RPS6KA2: variants seen among roughly 807,000 people sequenced by gnomAD.
The protein encoded by RPS6KA2 is ribosomal protein S6 kinase alpha-2.
A neutral mutation model predicts 91.8 loss-of-function variants in RPS6KA2; 42 were observed. That is an observed-to-expected ratio of 0.46 (90% confidence interval 0.36 to 0.59). The LOEUF (loss-of-function observed/expected upper bound fraction) is 0.59, where lower values mean the gene tolerates loss of function less well. RPS6KA2 is among the 20% of genes least tolerant of loss of function. The pLI is 0.00. For synonymous variants in RPS6KA2, 414 were observed against 393.6 expected, an observed-to-expected ratio of 1.05 and a Z score of -0.61; for missense variants, 798 against 978.5, an observed-to-expected ratio of 0.82 and a Z score of 2.46.
In RPS6KA2 at chr6:166,796,528, G is replaced by A. The variant is rs573069747; in HGVS notation, c.123+61672C>T. ...GGCTTGAACCTGGGAGGTGGAGGTT[G>A]CAGTGAGCAGCGATGGTGCCACTGC... On this transcript the variant is annotated intron_variant, in intron 2 of 21. Coordinates refer to the RPS6KA2 transcript ENST00000503859. 4.0e-5 allele frequency among the ~76,000 whole-genome samples: 6 copies of A among 151,754 alleles called. No homozygotes were observed. The East Asian group carries it at 1.2e-3, about 30-fold the overall frequency.
At chr6:166,807,654 G>T (rs1476574906) in intron 2 of RPS6KA2, among the ~76,000 whole-genome samples, 1 of 151,932 alleles carries the variant, frequency 6.6e-6, no homozygotes. Context: ...CTCCCCTGCT[G>T]TTCTCCCCCA....
At chr6:166,842,046 G>T (rs1328298921) in intron 2 of RPS6KA2, among the ~76,000 whole-genome samples, 3 of 152,092 alleles carry the variant, frequency 2.0e-5, no homozygotes, top group African/African-American at 7.2e-5. Flanking sequence ...ACCTCCAGCG[G>T]TAGTAGAAGC....
chr6:166,619,333 G>C (rs1175527945), intron 1 of RPS6KA2, among the ~76,000 whole-genome samples: 1 of 152,250 alleles, frequency 6.6e-6, no homozygotes, highest in Admixed American at 6.5e-5. Context: ...AAGAATTCAA[G>C]AAGTCAAAGG....
chr6:166,813,036 CT>C (rs1779678208), intron 2 of RPS6KA2, among the ~76,000 whole-genome samples: 1 of 152,156 alleles, frequency 6.6e-6, no homozygotes. Context: ...ACTCACGCAC[CT>C]CCATGTCTCT....
At chr6:166,499,996 T>C (rs1264024871) in intron 7 of RPS6KA2, among the ~76,000 whole-genome samples, 2 of 152,194 alleles carry the variant, frequency 1.3e-5, no homozygotes, top group African/African-American at 2.4e-5. Flanking sequence ...CCCAACACCA[T>C]TGCAAGGGTC....
At chr6:166,618,608 G>C (rs1209471009) in intron 1 of RPS6KA2, among the ~76,000 whole-genome samples, 1 of 152,220 alleles carries the variant, frequency 6.6e-6, no homozygotes, top group African/African-American at 2.4e-5. Context: ...TGGCTGAGTG[G>C]GAGGTGGAGA....
Position 166,508,374 on chromosome 6 carries a change from A to T in RPS6KA2, c.380-92T>A. On this transcript the variant is annotated intron_variant, in intron 4 of 20. Transcript: ENST00000265678. This position sits in a 1 kb window ranked among gnomAD's most constrained non-coding sequence, Gnocchi z 4.3. ...CTTCTCCCTGCTCACGGTGCTGCTTACTCCGGGAGGCTGAGTCACTTGAGA... is the reference window on the plus strand; with the variant it reads ...CTTCTCCCTGCTCACGGTGCTGCTTTCTCCGGGAGGCTGAGTCACTTGAGA... The T allele has an allele frequency of 1.2e-6, 1 of 828,980 alleles. No individual in the cohort carries two copies. Among genetic ancestry groups the T allele is most frequent in the South Asian group, 1.6e-5 (1 of 64,412 alleles). 51.4% of individuals were successfully genotyped at this position (828,980 alleles called of 1,614,324 possible). A position where few individuals can be genotyped will look rare whatever the true frequency, so the allele number is the denominator to read the frequency against.
rs74368994 is a variant in RPS6KA2 at position 166,495,887 on chromosome 6, G to A, written c.747+2621C>T. Reference sequence around the variant, plus strand: ...TTCTGTCTTAGGGCTGATGGTGGAAGGGGACCGGGGGGAGTTTGCTGGAGC... The same window carrying A: ...TTCTGTCTTAGGGCTGATGGTGGAAAGGGACCGGGGGGAGTTTGCTGGAGC... On this transcript the variant is annotated intron_variant, in intron 8 of 20. Transcript: ENST00000265678. This position sits in a 1 kb window ranked among gnomAD's most constrained non-coding sequence, Gnocchi z 4.4. Among the ~76,000 whole-genome samples the A allele has an allele frequency of 4.6e-3, 702 of 152,344 alleles. 7 individuals are homozygous for A. Among genetic ancestry groups the A allele is most frequent in the African/African-American group, 0.016 (681 of 41,560 alleles).
At chr6:166,679,812 GGGTTCCA>G (rs1466670305) in intron 2 of RPS6KA2, among the ~76,000 whole-genome samples, 1 of 152,236 alleles carries the variant, frequency 6.6e-6, no homozygotes, top group Non-Finnish European at 1.5e-5. Context: ...TGGCTGGCGC[GGGTTCCA>G]GGTGAGCGCG....
upstream of RPS6KA2, among the ~76,000 whole-genome samples, chr6:166,629,736 G>A (rs1166123292): frequency 2.0e-5 from 3 of 152,188 alleles, no homozygotes; most frequent in Non-Finnish European, 4.4e-5. Flanking sequence ...TAAAGAGCTT[G>A]GTAGACCTCT....
At chr6:166,741,057 G>A (rs774150187) in intron 2 of RPS6KA2, among the ~76,000 whole-genome samples, 1 of 152,264 alleles carries the variant, frequency 6.6e-6, no homozygotes, top group Non-Finnish European at 1.5e-5. Flanking sequence ...AGGAGGTAAT[G>A]CAGGCGCTCA....
intron 8 of RPS6KA2, among the ~76,000 whole-genome samples, chr6:166,496,189 A>G (rs1781779183): frequency 6.6e-6 from 1 of 151,182 alleles, no homozygotes; most frequent in African/African-American, 2.5e-5. Flanking sequence ...TGTCTCTACT[A>G]AAATGCAAAA....
chr6:166,591,646 A>G (rs1242026845), intron 1 of RPS6KA2, among the ~76,000 whole-genome samples: 1 of 152,170 alleles, frequency 6.6e-6, no homozygotes, highest in Admixed American at 6.5e-5. Flanking sequence ...GGGGCAAGGA[A>G]GGATCCTCCC....
chr6:166,413,773 C>CT, intron 20 of RPS6KA2, 21 bp downstream of exon 20: 2 of 1,610,690 alleles, frequency 1.2e-6, no homozygotes. Flanking sequence ...CCACTCTGTC[C>CT]TCACTGTCGC....
chr6:166,856,050 CACG>C (rs1013392613), intron 2 of RPS6KA2, among the ~76,000 whole-genome samples: 1 of 152,168 alleles, frequency 6.6e-6, no homozygotes, highest in African/African-American at 2.4e-5. Flanking sequence ...ATGTAGAGAA[CACG>C]ACAACTTGAG....
chr6:166,549,532 G>T (rs2128499641), intron 1 of RPS6KA2, among the ~76,000 whole-genome samples: 1 of 152,182 alleles, frequency 6.6e-6, no homozygotes, highest in Non-Finnish European at 1.5e-5. Context: ...ATTACGCTCA[G>T]TGAAAAAAAG....
At chr6:166,450,664 T>C (rs200993923) in intron 13 of RPS6KA2, among the ~76,000 whole-genome samples, 2,230 of 123,972 alleles carry the variant, frequency 0.018, no homozygotes, top group East Asian at 0.11. Flanking sequence ...GAGACCACCA[T>C]GGGGACCACC....
intron 2 of RPS6KA2, among the ~76,000 whole-genome samples, chr6:166,698,040 A>G (rs1046391653): frequency 1.3e-5 from 2 of 152,198 alleles, no homozygotes; most frequent in Non-Finnish European, 1.5e-5. Context: ...CTGTGCAGAG[A>G]AGAGAGTGAC....
At chr6:166,813,211 G>A (rs1779684014) in intron 2 of RPS6KA2, among the ~76,000 whole-genome samples, 1 of 152,046 alleles carries the variant, frequency 6.6e-6, no homozygotes, top group Admixed American at 6.5e-5. Context: ...ACAAGCGGAA[G>A]CCAGCACACG....
Sources: gnomAD v4.1 joint callset for allele counts (sites outside exome capture counted in the v4.1 genomes callset) on GRCh38, gnomAD v4.1.1 for gene constraint, Gnocchi (gnomAD v3.1) non-coding constraint, MANE v1.5 for transcripts, NCBI Gene and HGNC (gene_info 2026-07-23, HGNC 2026-07-21) for gene names.